SYNE2: variants seen among roughly 807,000 people sequenced by gnomAD.
SYNE2 encodes the protein spectrin repeat containing nuclear envelope protein 2.
In SYNE2, 431 loss-of-function variants were observed where a neutral mutation model predicts 856.3. The ratio of observed to expected loss-of-function variants is 0.50; its 90% CI spans 0.47 to 0.55. The LOEUF is 0.55. Among genes scored for constraint, SYNE2 ranks in the 20% least tolerant of loss-of-function variants. The pLI, the probability that SYNE2 is intolerant of heterozygous loss-of-function variation, is 0.00. For synonymous variants in SYNE2, 2,923 were observed against 2,872.3 expected (o/e 1.02, Z -0.56); for missense variants, 8,129 against 8,023.2 (o/e 1.01, Z -0.50).
chr14:63,948,780 GTGTATA>G (rs1471072629), intron 6 of SYNE2, among the ~76,000 whole-genome samples: 4,055 of 81,416 alleles, frequency 0.05, 100 homozygotes, highest in East Asian at 0.079. Context: ...GTATGTGTGT[GTGTATA>G]TATATATATA....
At chr14:64,056,733 C>T (rs1352017422) in intron 49 of SYNE2, among the ~76,000 whole-genome samples, 7 of 151,722 alleles carry the variant, frequency 4.6e-5, no homozygotes, top group Middle Eastern at 3.4e-3. Flanking sequence ...TGCAGTGGCA[C>T]GATCTTGGCT....
At position 64,056,044 on chromosome 14, in the gene SYNE2, A is replaced by G. The variant is rs1335789859; in HGVS notation, c.9845A>G (p.Tyr3282Cys). ...ITSLEAIIIPYRVDVGNPEES... is the reference protein window; with the variant it reads ...ITSLEAIIIPCRVDVGNPEES... ...TCCCTCGAAGCCATCATTATACCCT[A>G]CAGAGTAGATGTTGGTAATCCAGAA... Residue 3282 changes from tyrosine to cysteine, a missense_variant, in exon 49 of 116, where the codon TAC (tyrosine) becomes TGC (cysteine). By Grantham distance (194) the Tyr-to-Cys change is radical (BLOSUM62 -2). Coordinates refer to ENST00000555002, the MANE Select transcript of SYNE2 (RefSeq NM_182914.3). The G allele has an allele frequency of 5.6e-6, 9 of 1,614,170 alleles. No individual in the cohort carries two copies. Among genetic ancestry groups the G allele is most frequent in the African/African-American group, 4.0e-5 (3 of 75,046 alleles).
intron 57 of SYNE2, among the ~76,000 whole-genome samples, chr14:64,082,136 G>A (rs1318160492): frequency 1.3e-5 from 2 of 151,946 alleles, no homozygotes; most frequent in Non-Finnish European, 2.9e-5. Context: ...TTGGTTGTTA[G>A]AATTCTAAGA....
At position 64,202,922 on chromosome 14, in the gene SYNE2, T is replaced by C; in HGVS notation, c.18160T>C (p.Cys6054Arg). Reference protein sequence around the residue: ...ELSKPVVYDVCDDQEIQKRLA... With the variant: ...ELSKPVVYDVRDDQEIQKRLA... ...TTCCAAGCCTGTTGTTTATGATGTC[T>C]GCGATGATCAAGAGATCCAGAAGAG... The change falls in exon 100 of 116, where the codon TGC becomes CGC. Residue 6054 changes from cysteine to arginine, a missense_variant. Cys to Arg is a radical substitution (Grantham distance 180). This residue lies in a region of SYNE2 where 5,410 missense variants were observed against 5,284.8 expected (regional missense o/e 1.02). Coordinates refer to ENST00000555002, the MANE Select transcript of SYNE2 (RefSeq NM_182914.3). 6.2e-7 allele frequency: 1 copy of C among 1,614,212 alleles called. No homozygotes were observed. The highest frequency in any genetic ancestry group is 8.5e-7 in the Non-Finnish European group (1 of 1,180,030).
At position 63,901,608 on chromosome 14, in the gene SYNE2, A is replaced by G. The variant is rs141744916; in HGVS notation, c.-51-7490A>G. ...TTAATTGACACCACAGGATTATTGCATAAGCAAACCACAGTCATTTCAAAA... is the reference window on the plus strand; with the variant it reads ...TTAATTGACACCACAGGATTATTGCGTAAGCAAACCACAGTCATTTCAAAA... On this transcript the variant is annotated intron_variant, in intron 1 of 115. Transcript: ENST00000555002. Among the ~76,000 whole-genome samples the G allele has an allele frequency of 5.7e-3, 865 of 152,352 alleles. 7 individuals carry two copies. Among genetic ancestry groups the G allele is most frequent in the Non-Finnish European group, 9.2e-3 (624 of 68,038 alleles).
chr14:64,217,543 T>TA (rs1489530135), intron 108 of SYNE2, among the ~76,000 whole-genome samples: 1 of 152,230 alleles, frequency 6.6e-6, no homozygotes, highest in African/African-American at 2.4e-5. Flanking sequence ...TCCTCTTGCT[T>TA]AACAAGCAGG....
chr14:64,165,973 A>C (rs1408913022), intron 90 of SYNE2, among the ~76,000 whole-genome samples: 1 of 152,240 alleles, frequency 6.6e-6, no homozygotes, highest in African/African-American at 2.4e-5. Flanking sequence ...GAACTGAAAT[A>C]ATCTAGAAAT....
At chr14:64,003,587 C>T (rs771677913) in intron 30 of SYNE2, among the ~76,000 whole-genome samples, 1 of 152,154 alleles carries the variant, frequency 6.6e-6, no homozygotes, top group Non-Finnish European at 1.5e-5. Context: ...GTCAGATGTA[C>T]ATAAAGTACT....
At chr14:63,942,449 G>C (rs1000121391) in intron 6 of SYNE2, among the ~76,000 whole-genome samples, 2 of 152,088 alleles carry the variant, frequency 1.3e-5, no homozygotes, top group East Asian at 3.9e-4. Context: ...CTCCTGAGTG[G>C]TTGGGACTAC....
intron 2 of SYNE2, among the ~76,000 whole-genome samples, chr14:63,938,959 C>T (rs559060101): frequency 1.3e-5 from 2 of 152,048 alleles, no homozygotes; most frequent in Non-Finnish European, 2.9e-5. Context: ...TGCATGTGTG[C>T]GCTTGCATGT....
At chr14:64,031,718 T>TG (rs1163307360) in intron 45 of SYNE2, among the ~76,000 whole-genome samples, 1 of 152,362 alleles carries the variant, frequency 6.6e-6, no homozygotes, top group Admixed American at 6.5e-5. Context: ...TCCCAATTTT[T>TG]GGGGGGTTGA....
At chr14:64,190,288 C>T (rs985155895) in intron 99 of SYNE2, 51 bp downstream of exon 99, 3 of 1,607,726 alleles carry the variant, frequency 1.9e-6, no homozygotes, top group Non-Finnish European at 2.6e-6. Context: ...AATTACTTTA[C>T]AGATCTAGTA....
intron 100 of SYNE2, among the ~76,000 whole-genome samples, chr14:64,206,762 G>A (rs924811288): frequency 5.9e-5 from 9 of 151,950 alleles, no homozygotes; most frequent in African/African-American, 1.2e-4. Context: ...AACTTCTCTC[G>A]GCTTTTCAAC....
rs369713092 is a variant in SYNE2 at position 64,052,774 on chromosome 14, C to T, written c.8861C>T (p.Ala2954Val). Residue 2954 changes from alanine (A) to valine (V), a missense_variant, in exon 48 of 116, where the codon GCG becomes GTG. Physicochemically the swap from Ala to Val is moderately conservative, Grantham distance 64 (BLOSUM62 0). Coordinates refer to ENST00000555002, the MANE Select transcript of SYNE2 (RefSeq NM_182914.3). ...FCRQFHEKTS[A>V]LQEEADSIQR... is the part of the protein sequence containing the mutation. ...AGACAATTCCATGAAAAAACATCAG[C>T]GCTTCAGGAGGAGGCTGACAGTATA... 64 of 1,612,190 alleles carry T rather than the reference C, an allele frequency of 4.0e-5. No individual in the cohort carries two copies. The highest frequency in any genetic ancestry group is 1.8e-4 in the Admixed American group (11 of 59,692).
At chr14:63,875,160 G>T (rs2094686564) in intron 1 of SYNE2, among the ~76,000 whole-genome samples, 1 of 152,046 alleles carries the variant, frequency 6.6e-6, no homozygotes, top group African/African-American at 2.4e-5. Context: ...TGATCCTCCT[G>T]CCTCAGCCTC....
chr14:63,871,173 G>A (rs1290337304), intron 1 of SYNE2, among the ~76,000 whole-genome samples: 1 of 151,788 alleles, frequency 6.6e-6, no homozygotes, highest in Non-Finnish European at 1.5e-5. Context: ...AACTCAAGAA[G>A]GACAGAAAGG....
chr14:64,038,320 A>G (rs1436997556), intron 45 of SYNE2, among the ~76,000 whole-genome samples: 28 of 145,198 alleles, frequency 1.9e-4, no homozygotes, highest in African/African-American at 4.7e-4. Context: ...TTCCTAGATG[A>G]GATGGCGGCC....
chr14:63,848,005 GCCT>G (rs1890287895), upstream of SYNE2, among the ~76,000 whole-genome samples: 1 of 152,146 alleles, frequency 6.6e-6, no homozygotes, highest in South Asian at 2.1e-4. Context: ...TCCTGCCTCA[GCCT>G]CCTAAGTAGC....
At chr14:63,920,106 C>T (rs2095581767) in intron 2 of SYNE2, among the ~76,000 whole-genome samples, 1 of 151,098 alleles carries the variant, frequency 6.6e-6, no homozygotes, top group Non-Finnish European at 1.5e-5. Flanking sequence ...TATTTTTGAA[C>T]ACTTACTGTG....
Sources: allele counts gnomAD v4.1 joint callset (sites outside exome capture counted in the v4.1 genomes callset), GRCh38; gene constraint gnomAD v4.1.1; regional missense constraint gnomAD v4.1.1; transcripts MANE v1.5; gene names NCBI Gene and HGNC (gene_info 2026-07-23, HGNC 2026-07-21).